EGFR: variants seen among roughly 807,000 people sequenced by gnomAD.
The protein encoded by EGFR is avian erythroblastic leukemia viral (v-erb-b) oncogene homolog.
In EGFR, 58 loss-of-function variants were observed where a neutral mutation model predicts 143.0. The ratio of observed to expected loss-of-function variants is 0.41; its 90% CI spans 0.33 to 0.50. The LOEUF (loss-of-function observed/expected upper bound fraction) is 0.50. EGFR is among the 20% of genes least tolerant of loss of function. EGFR has a pLI of 0.39. For missense variants in EGFR, 1,307 were observed against 1,579.0 expected (o/e 0.83, Z 2.92); for synonymous variants, 613 against 594.4 (o/e 1.03, Z -0.45).
intron 1 of EGFR, among the ~76,000 whole-genome samples, chr7:55,022,441 G>A (rs1213728937): frequency 6.6e-6 from 1 of 152,156 alleles, no homozygotes; most frequent in Non-Finnish European, 1.5e-5. Context: ...GTCAGATCAA[G>A]AAAGCCCAAG....
intron 15 of EGFR, chr7:55,170,315 A>G (rs2128950426): frequency 2.5e-6 from 4 of 1,614,206 alleles, no homozygotes; most frequent in South Asian, 2.2e-5. Context: ...AGGCCAGGAA[A>G]TGAGAGTCTC....
rs371229748 is a variant in EGFR at position 55,202,598 on chromosome 7, A to T, written c.3244A>T (p.Ile1082Leu). ...CACAGGCGCCTTGACTGAGGACAGC[A>T]TAGACGACACCTTCCTCCCAGTGCC... is the stretch of plus-strand genomic sequence containing the variant. ...DPTGALTEDS[I>L]DDTFLPVPEY... Residue 1082 changes from isoleucine to leucine, a missense_variant, in exon 27 of 28, where the codon ATA (isoleucine) becomes TTA (leucine). This residue lies in a region of EGFR where 313 missense variants were observed against 312.3 expected (regional missense o/e 1.00). Coordinates refer to ENST00000275493, the MANE Select transcript of EGFR (RefSeq NM_005228.5). 2.5e-6 allele frequency: 4 copies of T among 1,613,510 alleles called. No homozygotes were observed. The highest frequency in any genetic ancestry group is 3.4e-6 in the Non-Finnish European group (4 of 1,179,708).
intron 11 of EGFR, 106 bp downstream of exon 11, chr7:55,157,859 C>T: frequency 8.8e-7 from 1 of 1,132,620 alleles, no homozygotes; most frequent in South Asian, 1.3e-5. Flanking sequence ...TCCTGCATCT[C>T]TCGCCGGCAT....
chr7:55,200,566 AG>A, intron 24 of EGFR, 153 bp downstream of exon 24: 1 of 781,304 alleles, frequency 1.3e-6, no homozygotes, highest in Non-Finnish European at 2.2e-6. Context: ...AGTAAGGCGC[AG>A]GCCACATCGT....
rs1050081034 is a variant in EGFR, at chr7:55,078,612, G to C, written c.88+59247G>C. On this transcript the variant is annotated intron_variant, in intron 1 of 27. Transcript: ENST00000275493. ...GCACTTGTCAGGGTGGGGGCCACAC[G>C]GGCACCACCACTGATCATCTGTGGG... Among the ~76,000 whole-genome samples the C allele has an allele frequency of 4.7e-4, 71 of 152,316 alleles. 1 individual carries two copies. The highest frequency in any genetic ancestry group is 1.5e-3 in the African/African-American group (61 of 41,578).
intron 1 of EGFR, among the ~76,000 whole-genome samples, chr7:55,054,087 C>G (rs1788648230): frequency 6.6e-6 from 1 of 151,874 alleles, no homozygotes; most frequent in Non-Finnish European, 1.5e-5. Flanking sequence ...TGTCAACCCT[C>G]AAAGAGGAAA....
intron 1 of EGFR, among the ~76,000 whole-genome samples, chr7:55,125,458 G>A (rs1793468164): frequency 6.6e-6 from 1 of 152,192 alleles, no homozygotes; most frequent in African/African-American, 2.4e-5. Flanking sequence ...CAGAAGCCAG[G>A]CTCATTTCCA....
At chr7:55,122,126 C>A (rs991978852) in intron 1 of EGFR, among the ~76,000 whole-genome samples, 13 of 152,342 alleles carry the variant, frequency 8.5e-5, no homozygotes, top group African/African-American at 3.1e-4. Context: ...GTGACCCCAC[C>A]ATAACTGGGA....
intron 1 of EGFR, among the ~76,000 whole-genome samples, chr7:55,086,300 T>TA (rs1790756257): frequency 1.3e-5 from 2 of 152,276 alleles, no homozygotes; most frequent in South Asian, 2.1e-4. Context: ...TTACAGGCTG[T>TA]AAAAAAATTA....
At chr7:55,074,889 A>T (rs1227529285) in intron 1 of EGFR, among the ~76,000 whole-genome samples, 1 of 152,242 alleles carries the variant, frequency 6.6e-6, no homozygotes, top group African/African-American at 2.4e-5. Context: ...CCAGAATTTG[A>T]ACCTTGAGAT....
intron 1 of EGFR, among the ~76,000 whole-genome samples, chr7:55,042,335 G>A (rs184808137): frequency 4.5e-4 from 69 of 152,330 alleles, no homozygotes; most frequent in African/African-American, 1.5e-3. Context: ...AGAGGTAGAA[G>A]TTACATCCTT....
At chr7:55,180,438 T>G (rs980839841) in intron 19 of EGFR, 1 of 152,280 alleles carries the variant, frequency 6.6e-6, no homozygotes, top group Non-Finnish European at 1.5e-5. Flanking sequence ...TTTATGGCTC[T>G]GTCAAAGGAA....
intron 3 of EGFR, 68 bp downstream of exon 3, chr7:55,143,556 A>G: frequency 3.8e-6 from 6 of 1,565,672 alleles, no homozygotes; most frequent in Non-Finnish European, 5.3e-6. Context: ...GCTCCCAGCG[A>G]GCTTGTCACT....
intron 15 of EGFR, chr7:55,168,511 A>AT: frequency 1.4e-6 from 2 of 1,480,170 alleles, no homozygotes; most frequent in South Asian, 2.3e-5. Flanking sequence ...ATGTCTTTCT[A>AT]TTTTTTCCCA....
At chr7:55,192,028 C>T (rs1433559671) in intron 21 of EGFR, among the ~76,000 whole-genome samples, 154 bp downstream of exon 21, 1 of 152,114 alleles carries the variant, frequency 6.6e-6, no homozygotes, top group Non-Finnish European at 1.5e-5. Context: ...CTGGGTCCAG[C>T]CAGGGTCTCC....
At chr7:55,091,087 G>A (rs1791080059) in intron 1 of EGFR, among the ~76,000 whole-genome samples, 1 of 152,200 alleles carries the variant, frequency 6.6e-6, no homozygotes, top group South Asian at 2.1e-4. Flanking sequence ...CAAGATCGCT[G>A]AGTTGGCAAG....
intron 19 of EGFR, chr7:55,180,647 T>C (rs1459008021): frequency 6.3e-6 from 1 of 159,344 alleles, no homozygotes; most frequent in African/African-American, 2.4e-5. Flanking sequence ...GACTGGTCTA[T>C]TGAAAGAGCT....
chr7:55,028,508 A>G (rs1431027523), intron 1 of EGFR, among the ~76,000 whole-genome samples: 2 of 152,196 alleles, frequency 1.3e-5, no homozygotes, highest in Non-Finnish European at 2.9e-5. Flanking sequence ...TTTAATTTCA[A>G]AAACCTGGTT....
chr7:55,196,742 C>G (rs1424669618), intron 22 of EGFR, among the ~76,000 whole-genome samples: 1 of 148,930 alleles, frequency 6.7e-6, no homozygotes, highest in Non-Finnish European at 1.5e-5. Context: ...TCATGGCTAG[C>G]TAGTCATCAT....
Sources: allele counts gnomAD v4.1 joint callset (sites outside exome capture counted in the v4.1 genomes callset), GRCh38; gene constraint gnomAD v4.1.1; regional missense constraint gnomAD v4.1.1; transcripts MANE v1.5; gene names NCBI Gene and HGNC (gene_info 2026-07-23, HGNC 2026-07-21).